RAB4B: variants seen among roughly 807,000 people sequenced by gnomAD.
RAB4B encodes the protein ras-related protein Rab-4B.
Under a neutral mutation model 28.3 loss-of-function variants are expected in RAB4B, and 15 were observed. That is an observed-to-expected ratio of 0.53 (90% CI 0.35 to 0.82). The LOEUF (loss-of-function observed/expected upper bound fraction) is 0.82. Among genes scored for constraint, RAB4B ranks in the 40% least tolerant of loss-of-function variants. The pLI is 0.01. For missense variants in RAB4B, 244 were observed against 288.5 expected, an observed-to-expected ratio of 0.85 and a Z score of 1.12; for synonymous variants, 108 against 116.3, an observed-to-expected ratio of 0.93 and a Z score of 0.46.
chr19:40,786,235 T>G (rs1442729353), intron 5 of RAB4B: 9 of 222,882 alleles, frequency 4.0e-5, no homozygotes, highest in South Asian at 2.1e-4. Flanking sequence ...GGGTCAGGGG[T>G]GGAATGGGGC....
At chr19:40,783,449 T>G (rs2083069539) in intron 3 of RAB4B, among the ~76,000 whole-genome samples, 1 of 150,522 alleles carries the variant, frequency 6.6e-6, no homozygotes, top group African/African-American at 2.4e-5. Context: ...ATCAAAAAAA[T>G]AAAAAATAAG....
At chr19:40,781,572 C>G (rs1035249976) in intron 3 of RAB4B, among the ~76,000 whole-genome samples, 4 of 151,892 alleles carry the variant, frequency 2.6e-5, no homozygotes, top group Admixed American at 1.3e-4. Context: ...GAGTTTGAGA[C>G]CAGCCTGGGC....
At chr19:40,791,509 A>T (rs1375760574) in intron 7 of RAB4B, among the ~76,000 whole-genome samples, 2 of 151,994 alleles carry the variant, frequency 1.3e-5, no homozygotes, top group African/African-American at 4.8e-5. Context: ...CACTCCAGCC[A>T]CACTGAAGTT....
At chr19:40,785,342 CAA>C (rs59914589) in intron 5 of RAB4B, among the ~76,000 whole-genome samples, 6 of 49,648 alleles carry the variant, frequency 1.2e-4, no homozygotes, top group African/African-American at 2.3e-4. Context: ...CCTGCCTCTA[CAA>C]AAAAAAAAAA....
At chr19:40,782,738 G>A (rs865842634) in intron 3 of RAB4B, among the ~76,000 whole-genome samples, 32 of 152,088 alleles carry the variant, frequency 2.1e-4, no homozygotes, top group Middle Eastern at 3.4e-3. Flanking sequence ...ACTTGCATCC[G>A]GGGGGCAAAG....
intron 5 of RAB4B, chr19:40,785,959 G>A (rs77466499): frequency 0.013 from 2,110 of 159,192 alleles, 64 homozygotes; most frequent in African/African-American, 0.048. Flanking sequence ...GGGGCAGGCA[G>A]AGGGATCGGG....
rs35573002 is a variant in RAB4B at position 40,786,696 on chromosome 19, A to T, written c.462A>T (p.Thr154=). Residue 154 remains threonine (T), a synonymous_variant, in exon 6 of 8, where the codon ACA becomes ACT. Coordinates refer to ENST00000357052, the MANE Select transcript of RAB4B (RefSeq NM_016154.5). ...ELMFLETSAL[T]GENVEEAFLK... ...TGTTCCTGGAGACCAGCGCTCTCAC[A>T]GGCGAGAACGTGGAGGAGGCGTTCC... The T allele has an allele frequency of 0.01, 16,784 of 1,614,056 alleles. 1,278 individuals carry two copies. The African/African-American group carries it at 0.18, about 18-fold the overall frequency.
chr19:40,786,352 A>G (rs1047313063), intron 5 of RAB4B: 9 of 373,482 alleles, frequency 2.4e-5, no homozygotes, highest in Admixed American at 1.1e-4. Flanking sequence ...GAGGAAGCAC[A>G]AGCAGTGGGG....
chr19:40,782,853 G>A (rs1202535063), intron 3 of RAB4B, among the ~76,000 whole-genome samples: 1 of 133,216 alleles, frequency 7.5e-6, no homozygotes, highest in African/African-American at 2.9e-5. Context: ...TAAAAGACAT[G>A]TAGGGCCGGG....
intron 7 of RAB4B, among the ~76,000 whole-genome samples, chr19:40,789,543 C>G (rs1180384235): frequency 1.6e-5 from 2 of 121,908 alleles, no homozygotes; most frequent in Non-Finnish European, 3.3e-5. Flanking sequence ...CTCACTCTGT[C>G]GCCATGCTAG....
At chr19:40,786,529 T>C in intron 5 of RAB4B, 136 bp from the exon 6 acceptor site, 2 of 1,313,844 alleles carry the variant, frequency 1.5e-6, no homozygotes, top group African/African-American at 1.5e-5. Flanking sequence ...GGCAGGGAAA[T>C]GGCATGCGCA....
intron 7 of RAB4B, among the ~76,000 whole-genome samples, chr19:40,794,302 C>T (rs2083187918): frequency 6.6e-6 from 1 of 152,088 alleles, no homozygotes. Flanking sequence ...GTCTCAAACT[C>T]CTGACCTCAG....
Position 40,778,312 on chromosome 19 carries a change from G to T in RAB4B, c.-64G>T. ...GGGCTGTAGCCGGAGTGGAGCGGCT[G>T]CCAGCCGAGGAGCAGGCGCGGCCGC... is the stretch of plus-strand genomic sequence containing the variant. On this transcript the variant is annotated 5_prime_UTR_variant, in exon 1 of 8. Coordinates refer to ENST00000357052, the MANE Select transcript of RAB4B (RefSeq NM_016154.5). 6.8e-7 allele frequency: 1 copy of T among 1,464,782 alleles called. No homozygotes were observed. The allele number at this position is 1,464,782 out of a possible 1,614,324, so 90.7% of individuals were successfully genotyped here. A position where few individuals can be genotyped will look rare whatever the true frequency, so the allele number is the denominator to read the frequency against.
At chr19:40,782,349 A>T (rs546911013) in intron 3 of RAB4B, among the ~76,000 whole-genome samples, 3 of 152,128 alleles carry the variant, frequency 2.0e-5, no homozygotes, top group African/African-American at 7.2e-5. Context: ...TCCACCTGAC[A>T]CAGCAGGAGA....
At position 40,786,767 on chromosome 19, in the gene RAB4B, C is replaced by T. The variant is rs1282548410; in HGVS notation, c.526+7C>T. On this transcript the variant is annotated splice_region_variant and intron_variant, in intron 6 of 7. Coordinates refer to ENST00000357052, the MANE Select transcript of RAB4B (RefSeq NM_016154.5). ...CTCAACAAGATTGACTCAGGTGAGG[C>T]CCCGACCGGCCCGAGTGGGAGCGAA... The T allele has an allele frequency of 3.1e-6, 5 of 1,614,156 alleles. No homozygotes were observed.
chr19:40,782,913 C>T (rs528482302), intron 3 of RAB4B, among the ~76,000 whole-genome samples: 6 of 152,060 alleles, frequency 3.9e-5, no homozygotes, highest in East Asian at 1.9e-4. Context: ...CCAAGGTGGG[C>T]GGATCACTTG....
Position 40,780,444 on chromosome 19 carries a change from G to A in RAB4B, c.157G>A (p.Gly53Ser). The A allele has an allele frequency of 6.2e-7, 1 of 1,613,742 alleles. No homozygotes were observed. The highest frequency in any genetic ancestry group is 8.5e-7 in the Non-Finnish European group (1 of 1,179,874). ...GTTTGGATCCCGGGTGGTCAACGTG[G>A]GTGGGAAGACTGTGAAGCTACAGAT... is the stretch of plus-strand genomic sequence containing the variant. ...VEFGSRVVNVGGKTVKLQIWD... is the reference protein window; with the variant it reads ...VEFGSRVVNVSGKTVKLQIWD... Residue 53 changes from glycine to serine, a missense_variant, in exon 3 of 8, where the codon GGT becomes AGT. Transcript: ENST00000357052.
chr19:40,779,942 T>C, intron 1 of RAB4B, 77 bp from the exon 2 acceptor site: 2 of 1,609,070 alleles, frequency 1.2e-6, no homozygotes, highest in African/African-American at 1.3e-5. Context: ...GAGAGAGAGA[T>C]TGGATTGGAA....
intron 7 of RAB4B, chr19:40,794,609 T>C (rs2083190765): frequency 6.6e-6 from 1 of 152,056 alleles, no homozygotes; most frequent in African/African-American, 2.4e-5. Context: ...AATTTAAAAA[T>C]TGGTCAAGAC....
Sources: gnomAD v4.1 joint callset for allele counts (sites outside exome capture counted in the v4.1 genomes callset) on GRCh38, gnomAD v4.1.1 for gene constraint, MANE v1.5 for transcripts, NCBI Gene and HGNC (gene_info 2026-07-23, HGNC 2026-07-21) for gene names.